STRBP: variants seen among roughly 807,000 people sequenced by gnomAD.
The protein encoded by STRBP is spermatid perinuclear RNA binding protein, also known as spermatid perinuclear RNA-binding protein.
In STRBP, 13 loss-of-function variants were observed where a neutral mutation model predicts 80.1. The ratio of observed to expected loss-of-function variants is 0.16; its 90% CI spans 0.11 to 0.26. The LOEUF is 0.26. STRBP is among the 10% of genes least tolerant of loss of function. The pLI is 1.00. For missense variants in STRBP, 485 were observed against 815.2 expected (o/e 0.59, Z 4.93); for synonymous variants, 284 against 291.2 (o/e 0.98, Z 0.25).
At chr9:123,167,414 G>C (rs2037816509) in intron 6 of STRBP, among the ~76,000 whole-genome samples, 1 of 152,082 alleles carries the variant, frequency 6.6e-6, no homozygotes, top group Non-Finnish European at 1.5e-5. Flanking sequence ...ACTGCATCAA[G>C]GGGATGAGCA....
chr9:123,202,042 A>T (rs892602225), intron 2 of STRBP, among the ~76,000 whole-genome samples: 1 of 152,220 alleles, frequency 6.6e-6, no homozygotes, highest in Non-Finnish European at 1.5e-5. Flanking sequence ...GTCTAAGAAT[A>T]GCTACTCCTG....
At chr9:123,159,508 C>A (rs185277191) in intron 8 of STRBP, among the ~76,000 whole-genome samples, 4 of 152,156 alleles carry the variant, frequency 2.6e-5, no homozygotes, top group African/African-American at 9.7e-5. Flanking sequence ...AAAGACTTAA[C>A]AAGTCCTCAT....
intron 2 of STRBP, among the ~76,000 whole-genome samples, chr9:123,233,437 T>C (rs2040454899): frequency 1.3e-5 from 2 of 152,188 alleles, no homozygotes; most frequent in South Asian, 4.1e-4. Flanking sequence ...GCTAATTATA[T>C]GTATGTCAAA....
In STRBP at chr9:123,235,226, G is replaced by C. The variant is rs1018009585; in HGVS notation, c.-165+1604C>G. Among the ~76,000 whole-genome samples, 3 of 151,468 alleles carry C rather than the reference G, an allele frequency of 2.0e-5. No homozygotes were observed. In the East Asian group the frequency reaches 5.8e-4, roughly 29 times the overall value. On this transcript the variant is annotated intron_variant, in intron 2 of 18. Coordinates refer to ENST00000348403, the MANE Select transcript of STRBP (RefSeq NM_018387.5). ...GTGGTAGAAGGCCAAAATTTTGCAT[G>C]TAACTTTTCTAAAAAGTAGGTAACA...
At chr9:123,145,556 A>G (rs1030241994) in intron 13 of STRBP, among the ~76,000 whole-genome samples, 2 of 152,192 alleles carry the variant, frequency 1.3e-5, no homozygotes, top group African/African-American at 2.4e-5. Flanking sequence ...AGATCTACCC[A>G]AGGAGAAATG....
chr9:123,172,072 G>A (rs2038035761), intron 5 of STRBP, among the ~76,000 whole-genome samples: 1 of 152,180 alleles, frequency 6.6e-6, no homozygotes, highest in South Asian at 2.1e-4. Flanking sequence ...CTTCAAAACA[G>A]GAGAGATGTG....
intron 2 of STRBP, among the ~76,000 whole-genome samples, chr9:123,211,784 T>C (rs1352959595): frequency 6.6e-6 from 1 of 152,196 alleles, no homozygotes; most frequent in East Asian, 1.9e-4. Flanking sequence ...CCTCCTAACT[T>C]ATCACATATG....
chr9:123,255,499 G>C (rs1475611027), intron 1 of STRBP, among the ~76,000 whole-genome samples: 1 of 152,176 alleles, frequency 6.6e-6, no homozygotes, highest in Admixed American at 6.5e-5. Flanking sequence ...CAGTAAAGGA[G>C]ATTTCAAAGG....
intron 3 of STRBP, among the ~76,000 whole-genome samples, chr9:123,180,211 T>C (rs755561110): frequency 1.8e-4 from 27 of 152,144 alleles, no homozygotes; most frequent in Non-Finnish European, 2.8e-4. Flanking sequence ...GCTACCACTA[T>C]GTCACTGCAC....
At chr9:123,212,772 A>G (rs940250176) in intron 2 of STRBP, 4 of 152,244 alleles carry the variant, frequency 2.6e-5, no homozygotes, top group African/African-American at 9.6e-5. Flanking sequence ...ACGCATTCCC[A>G]TACAGCGTTA....
intron 6 of STRBP, among the ~76,000 whole-genome samples, chr9:123,162,118 T>TA (rs1156706547): frequency 6.6e-6 from 1 of 152,230 alleles, no homozygotes; most frequent in Admixed American, 6.5e-5. Flanking sequence ...GTGGGCCAAC[T>TA]AATACAATGT....
intron 1 of STRBP, among the ~76,000 whole-genome samples, chr9:123,243,206 A>T (rs2040731038): frequency 6.6e-6 from 1 of 151,752 alleles, no homozygotes; most frequent in Admixed American, 6.6e-5. Context: ...AAAGCAATTA[A>T]ATGGAAGAAG....
rs148609398 is a variant in STRBP at position 123,259,171 on chromosome 9, A to T, written c.-302+9265T>A. Among the ~76,000 whole-genome samples, 40 of 152,288 alleles carry T rather than the reference A, an allele frequency of 2.6e-4. No homozygotes were observed. In the East Asian group the frequency reaches 7.1e-3, roughly 27 times the overall value. On this transcript the variant is annotated intron_variant, in intron 1 of 18. Transcript: ENST00000348403. The stretch of plus-strand genomic sequence containing the variant: ...GTCAGATTCTGGATATATTTTAAAC[A>T]GAGCTGCTAAGATTTCCTAAGGGAT...
At chr9:123,147,077 G>A in intron 12 of STRBP, 23 bp from the exon 13 acceptor site, 1 of 1,587,714 alleles carries the variant, frequency 6.3e-7, no homozygotes, top group Non-Finnish European at 8.6e-7. Context: ...GAGGAATGAG[G>A]TCAGAAATTA....
intron 13 of STRBP, among the ~76,000 whole-genome samples, chr9:123,141,223 C>CA (rs1370057468): frequency 2.0e-5 from 3 of 152,068 alleles, no homozygotes; most frequent in East Asian, 3.8e-4. Context: ...TACCCTAAAC[C>CA]AAAAAATCGA....
rs1331141510 is a variant in STRBP at position 123,115,970 on chromosome 9, C to T, written c.*43G>A. 6.6e-6 allele frequency: 3 copies of T among 455,586 alleles called. No homozygotes were observed. The highest frequency in any genetic ancestry group is 1.3e-5 in the Non-Finnish European group (3 of 226,776). The allele number at this position is 455,586 out of a possible 1,614,324, so 28.2% of individuals were successfully genotyped here. A position where few individuals can be genotyped will look rare whatever the true frequency, so the allele number is the denominator to read the frequency against. On this transcript the variant is annotated 3_prime_UTR_variant and NMD_transcript_variant, in exon 3 of 4. Transcript: ENST00000471564. This position sits in a 1 kb window ranked among gnomAD's most constrained non-coding sequence, Gnocchi z 5.0. ...CGTTCTCTCCAGGTCTCCTCTTCAC[C>T]AGCCTTAACCTTCTGGTCCTTCCAT...
intron 1 of STRBP, among the ~76,000 whole-genome samples, chr9:123,255,112 C>T (rs1336425591): frequency 6.6e-6 from 1 of 152,212 alleles, no homozygotes; most frequent in Admixed American, 6.5e-5. Context: ...CCTCCTGCTA[C>T]AGGGCTCTGA....
chr9:123,133,608 G>A (rs951632819), intron 16 of STRBP, among the ~76,000 whole-genome samples: 4 of 151,696 alleles, frequency 2.6e-5, no homozygotes, highest in Admixed American at 1.3e-4. Context: ...GTGCGATCTC[G>A]ACTCACTGCA....
At chr9:123,169,343 G>C (rs2037910244) in intron 6 of STRBP, among the ~76,000 whole-genome samples, 1 of 151,826 alleles carries the variant, frequency 6.6e-6, no homozygotes, top group Non-Finnish European at 1.5e-5. Context: ...TGATTTTTTT[G>C]TATTTTCAGT....
Sources: gnomAD v4.1 joint callset for allele counts (sites outside exome capture counted in the v4.1 genomes callset) on GRCh38, gnomAD v4.1.1 for gene constraint, Gnocchi (gnomAD v3.1) non-coding constraint, MANE v1.5 for transcripts, NCBI Gene and HGNC (gene_info 2026-07-23, HGNC 2026-07-21) for gene names.